MYOM2: variants seen among roughly 807,000 people sequenced by gnomAD.
MYOM2 encodes the protein myomesin-2.
In MYOM2, 254 loss-of-function variants were observed where a neutral mutation model predicts 187.6. The ratio of observed to expected loss-of-function variants is 1.35; its 90% confidence interval spans 1.22 to 1.50. MYOM2 has a LOEUF of 1.50. MYOM2 is among the 40% of genes most tolerant of loss of function. MYOM2 has a pLI of 0.00. For synonymous variants in MYOM2, 981 were observed against 753.8 expected (o/e 1.30, Z -4.94); for missense variants, 2,796 against 1,924.0 (o/e 1.45, Z -8.48).
chr8:2,046,086 C>T (rs563341079), intron 1 of MYOM2, among the ~76,000 whole-genome samples: 7 of 152,358 alleles, frequency 4.6e-5, no homozygotes, highest in East Asian at 1.9e-4. Context: ...CACAGGCCAA[C>T]GCTGCGTGTC....
Position 2,085,545 on chromosome 8 carries a change from CCA to C in MYOM2, c.1644+157_1644+158del, listed in dbSNP as rs1554546503. On this transcript the variant is annotated intron_variant, in intron 14 of 36. Coordinates refer to ENST00000262113, the MANE Select transcript of MYOM2 (RefSeq NM_003970.4). ...CCACTGTTGTGATCTCTGCGTGGCC[CCA>C]CTGTCATGATCTCTGCGTGGCCCCA... is the stretch of plus-strand genomic sequence containing the variant. Among the ~76,000 whole-genome samples the C allele has an allele frequency of 4.8e-4, 24 of 50,448 alleles. 4 individuals are homozygous for C. Among genetic ancestry groups the C allele is most frequent in the African/African-American group, 1.5e-3 (13 of 8,908 alleles). 33.1% of individuals were successfully genotyped at this position (50,448 alleles called of 152,430 possible). A position where few individuals can be genotyped will look rare whatever the true frequency, so the allele number is the denominator to read the frequency against.
At position 2,092,437 on chromosome 8, in the gene MYOM2, C is replaced by A. The variant is rs149434055; in HGVS notation, c.1920C>A (p.Asp640Glu). 25 of 1,614,036 alleles carry A rather than the reference C, an allele frequency of 1.5e-5. No homozygotes were observed. In the African/African-American group the frequency reaches 3.2e-4, roughly 21 times the overall value. ...GGGACCGACCTAAGCATGAGGAGGA[C>A]CTGCTGGGCTACTACGTGGACTGCT... is the stretch of plus-strand genomic sequence containing the variant. Reference protein sequence around the residue: ...VQWDRPKHEEDLLGYYVDCCV... With the variant: ...VQWDRPKHEEELLGYYVDCCV... Residue 640 changes from aspartate (D) to glutamate (E), a missense_variant, in exon 16 of 37, where the codon GAC becomes GAA. Physicochemically the swap from Asp to Glu is conservative, Grantham distance 45. Coordinates refer to ENST00000262113, the MANE Select transcript of MYOM2 (RefSeq NM_003970.4).
chr8:2,082,959 C>T (rs1191689131), intron 13 of MYOM2, among the ~76,000 whole-genome samples: 2 of 152,110 alleles, frequency 1.3e-5, no homozygotes, highest in East Asian at 1.9e-4. Context: ...AGACCTAAGC[C>T]TCGACCCCAG....
chr8:2,121,643 C>T (rs1038081822), intron 28 of MYOM2, among the ~76,000 whole-genome samples: 4 of 152,002 alleles, frequency 2.6e-5, no homozygotes, highest in African/African-American at 4.8e-5. Context: ...AAATTATTAA[C>T]GTGAAAAAAT....
At chr8:2,079,510 T>C (rs774290843) in intron 12 of MYOM2, 50 bp from the exon 13 acceptor site, 1 of 1,594,026 alleles carries the variant, frequency 6.3e-7, no homozygotes, top group Non-Finnish European at 8.6e-7. Context: ...AAACGGGCTT[T>C]TGGGGAAAAC....
rs1554432195 is a variant in MYOM2 at position 2,120,689 on chromosome 8, A to AATATATATTCATAATAT, written c.3454-2556_3454-2555insTTCATAATATATATATA. On this transcript the variant is annotated intron_variant, in intron 28 of 36. Transcript: ENST00000262113. ...ATATATATATATTATATTATATATAAATATATAATATATATATTTTAATTG... is the reference window on the plus strand; with the variant it reads ...ATATATATATATTATATTATATATAAATATATATTCATAATATATATATAATATATATATTTTAATTG... Among the ~76,000 whole-genome samples, 4 of 42,416 alleles carry AATATATATTCATAATAT rather than the reference A, an allele frequency of 9.4e-5. 1 individual carries two copies. The highest frequency in any genetic ancestry group is 3.0e-4 in the African/African-American group (4 of 13,326). The allele number at this position is 42,416 out of a possible 152,430, so 27.8% of individuals were successfully genotyped here.
At position 2,096,306 on chromosome 8, in the gene MYOM2, C is replaced by G. The variant is rs1372375635; in HGVS notation, c.2185C>G (p.Leu729Val). Residue 729 changes from leucine to valine, a missense_variant, in exon 18 of 37, where the codon CTC becomes GTC. Leu to Val is a conservative substitution (Grantham distance 32). Transcript: ENST00000262113. The part of the protein sequence containing the change: ...LLNCDGHSMT[L>V]GWKVPKFSGG... ...CAACTGTGACGGCCACTCCATGACC[C>G]TCGGCTGGAAGGTCCCGAAATTCAG... The G allele has an allele frequency of 1.2e-6, 2 of 1,614,094 alleles. No individual in the cohort carries two copies. Among genetic ancestry groups the G allele is most frequent in the Non-Finnish European group, 1.7e-6 (2 of 1,180,044 alleles).
intron 2 of MYOM2, 125 bp from the exon 3 acceptor site, chr8:2,052,033 G>A: frequency 1.7e-6 from 2 of 1,150,964 alleles, no homozygotes; most frequent in Admixed American, 2.2e-5. Flanking sequence ...GTGCATGTGT[G>A]TGTTTGTGTG....
intron 14 of MYOM2, among the ~76,000 whole-genome samples, 169 bp downstream of exon 14, chr8:2,085,559 TCTGCGTGGCC>T (rs1819825629): frequency 8.5e-5 from 3 of 35,278 alleles, no homozygotes; most frequent in African/African-American, 7.7e-4. Flanking sequence ...TGTCATGATC[TCTGCGTGGCC>T]CCACTGTTGT....
intron 3 of MYOM2, among the ~76,000 whole-genome samples, chr8:2,054,288 C>T (rs1042404883): frequency 3.3e-5 from 5 of 152,116 alleles, no homozygotes; most frequent in Admixed American, 6.5e-5. Flanking sequence ...GCACTCAACA[C>T]GTCCTTCTGG....
At chr8:2,092,635 G>C (rs1188915344) in intron 16 of MYOM2, 115 bp downstream of exon 16, 2 of 1,116,476 alleles carry the variant, frequency 1.8e-6, no homozygotes, top group Non-Finnish European at 2.5e-6. Context: ...GCGTAAATGA[G>C]TCTGTCTTAG....
chr8:2,074,008 G>A (rs992079291), intron 10 of MYOM2, among the ~76,000 whole-genome samples: 18 of 152,180 alleles, frequency 1.2e-4, no homozygotes, highest in Non-Finnish European at 2.5e-4. Context: ...GACACTTGTG[G>A]CCATGACAGC....
At chr8:2,109,816 GA>G (rs1797010561) in intron 25 of MYOM2, among the ~76,000 whole-genome samples, 2 of 152,284 alleles carry the variant, frequency 1.3e-5, no homozygotes, top group South Asian at 2.1e-4. Flanking sequence ...TCAGGTGGGG[GA>G]AAATATCCTT....
At chr8:2,117,841 C>G (rs765652174) in intron 27 of MYOM2, 44 bp from the exon 28 acceptor site, 4 of 1,451,196 alleles carry the variant, frequency 2.8e-6, no homozygotes, top group Non-Finnish European at 3.8e-6. Context: ...TATTTGTTTA[C>G]TTTTTCCTTT....
intron 13 of MYOM2, 35 bp from the exon 14 acceptor site, chr8:2,085,228 T>A (rs539689970): frequency 6.9e-6 from 11 of 1,603,392 alleles, no homozygotes; most frequent in Non-Finnish European, 9.4e-6. Flanking sequence ...CTGATGGGGG[T>A]CCTTCAGCAC....
Position 2,078,941 on chromosome 8 carries a change from G to A in MYOM2, c.1462+8G>A. 6.2e-7 allele frequency: 1 copy of A among 1,613,048 alleles called. No homozygotes were observed. The highest frequency in any genetic ancestry group is 8.5e-7 in the Non-Finnish European group (1 of 1,179,412). The stretch of plus-strand genomic sequence containing the variant: ...ACCTCAGAAGGTTACAAGGTAAGCT[G>A]CTCACGCCTAAGTATCCACTGTGCC... On this transcript the variant is annotated splice_region_variant and intron_variant, in intron 12 of 36. Coordinates refer to ENST00000262113, the MANE Select transcript of MYOM2 (RefSeq NM_003970.4).
rs150408639 is a variant in MYOM2, at chr8:2,049,527, C to A, written c.-12-1228C>A. ...GAACTATGACAAATTCATCTCCGAG[C>A]AGCCCTTGGCATTTTCCACCCAAGT... On this transcript the variant is annotated intron_variant, in intron 1 of 36. Transcript: ENST00000262113. Among the ~76,000 whole-genome samples the A allele has an allele frequency of 3.5e-4, 54 of 152,320 alleles. 1 individual carries two copies. In the East Asian group the frequency reaches 0.01, roughly 29 times the overall value.
At chr8:2,107,865 CTTAATT>C (rs112466873) in intron 23 of MYOM2, among the ~76,000 whole-genome samples, 73 of 152,310 alleles carry the variant, frequency 4.8e-4, no homozygotes, top group African/African-American at 1.7e-3. Context: ...AAGTTTCCAT[CTTAATT>C]TTAACTTTTT....
rs780446592 is a variant in MYOM2 at position 2,096,389 on chromosome 8, C to T, written c.2268C>T (p.Asn756=). Residue 756 remains asparagine, a synonymous_variant, in exon 18 of 37, where the codon AAC becomes AAT. Coordinates refer to ENST00000262113, the MANE Select transcript of MYOM2 (RefSeq NM_003970.4). ...ACAAGCGTGAAGTTCACCATAAAAA[C>T]TGGCACGAGGTCAATTCCTCACCCA... ...YLDKREVHHK[N]WHEVNSSPSK... is the part of the protein sequence containing the mutation. The T allele has an allele frequency of 1.9e-6, 3 of 1,614,240 alleles. No individual in the cohort carries two copies. Among genetic ancestry groups the T allele is most frequent in the South Asian group, 2.2e-5 (2 of 91,086 alleles).
Sources: gnomAD v4.1 joint callset for allele counts (sites outside exome capture counted in the v4.1 genomes callset) on GRCh38, gnomAD v4.1.1 for gene constraint, MANE v1.5 for transcripts, NCBI Gene and HGNC (gene_info 2026-07-23, HGNC 2026-07-21) for gene names.